The following LINGO2 variants were observed in gnomAD, a reference collection of about 807,000 sequenced individuals.
The protein encoded by LINGO2 is leucine-rich repeat and immunoglobulin-like domain-containing nogo receptor-interacting protein 2.
A neutral mutation model predicts 30.6 loss-of-function variants in LINGO2; 14 were observed. The observed-to-expected ratio is 0.46, with a 90% CI of 0.30 to 0.72. The LOEUF (loss-of-function observed/expected upper bound fraction) is 0.72, where lower values mean the gene tolerates loss of function less well. LINGO2 is among the 30% of genes least tolerant of loss of function. The pLI is 0.07. For synonymous variants in LINGO2, 317 were observed against 288.5 expected, an observed-to-expected ratio of 1.10 and a Z score of -1.00; for missense variants, 729 against 751.7, an observed-to-expected ratio of 0.97 and a Z score of 0.35.
intron 4 of LINGO2, among the ~76,000 whole-genome samples, chr9:28,236,435 A>T (rs1265411262): frequency 6.6e-6 from 1 of 152,212 alleles, no homozygotes; most frequent in Non-Finnish European, 1.5e-5. Flanking sequence ...GGAATAGTTT[A>T]ACACAGTAAT....
At chr9:28,019,446 T>C (rs936223942) in intron 4 of LINGO2, among the ~76,000 whole-genome samples, 1 of 151,988 alleles carries the variant, frequency 6.6e-6, no homozygotes, top group African/African-American at 2.4e-5. Flanking sequence ...ATCTGGTCTT[T>C]TATGTGACTC....
At chr9:28,685,498 A>G in the LINGO2 span, among the ~76,000 whole-genome samples, 2 of 152,308 alleles carry the variant, frequency 1.3e-5, no homozygotes, top group East Asian at 3.9e-4. Context: ...TTACTCATAG[A>G]AAAAGATGTG....
At chr9:28,079,097 T>C (rs558008794) in intron 4 of LINGO2, among the ~76,000 whole-genome samples, 5 of 142,450 alleles carry the variant, frequency 3.5e-5, no homozygotes, top group African/African-American at 1.5e-4. Context: ...TGAAGATATA[T>C]TTGTTAAATT....
In LINGO2 at chr9:28,506,515, T is replaced by TATATATAGATATATAG. The variant is rs1554729666; in HGVS notation, c.-364-30491_-364-30490insCTATATATCTATATAT. On this transcript the variant is annotated intron_variant, in intron 1 of 5. Coordinates refer to ENST00000379992, the Ensembl canonical transcript of LINGO2. ...ACACACACACACAGACATATATATA[T>TATATATAGATATATAG]ATATATAAACTGTTGGGGACTAAGT... Among the ~76,000 whole-genome samples, 359 of 100,246 alleles carry TATATATAGATATATAG rather than the reference T, an allele frequency of 3.6e-3. 6 individuals carry two copies. The highest frequency in any genetic ancestry group is 0.012 in the African/African-American group (313 of 26,840). The allele number at this position is 100,246 out of a possible 152,430, so 65.8% of individuals were successfully genotyped here.
chr9:28,423,505 T>C (rs1404955350), intron 2 of LINGO2, among the ~76,000 whole-genome samples: 1 of 152,130 alleles, frequency 6.6e-6, no homozygotes. Context: ...CATATGCATC[T>C]TTAAAAATTA....
the LINGO2 span, among the ~76,000 whole-genome samples, chr9:28,996,020 T>TA: frequency 4.8e-3 from 728 of 150,470 alleles, 4 homozygotes; most frequent in African/African-American, 0.014. Flanking sequence ...TAAAGTATAA[T>TA]AAAAAAAATG....
chr9:28,019,189 T>A (rs1306581944), intron 4 of LINGO2, among the ~76,000 whole-genome samples: 2 of 152,036 alleles, frequency 1.3e-5, no homozygotes, highest in East Asian at 3.9e-4. Flanking sequence ...TTTACCTGAA[T>A]GATGAAATAA....
At chr9:28,520,856 C>T (rs1250180340) in intron 1 of LINGO2, among the ~76,000 whole-genome samples, 1 of 152,096 alleles carries the variant, frequency 6.6e-6, no homozygotes, top group Admixed American at 6.5e-5. Context: ...TTACATATGC[C>T]TTAGAGCAGG....
intron 4 of LINGO2, among the ~76,000 whole-genome samples, chr9:28,241,175 A>T (rs1821771676): frequency 6.9e-6 from 1 of 144,106 alleles, no homozygotes; most frequent in Non-Finnish European, 1.5e-5. Context: ...AGGCTGAGGC[A>T]GGAGAATTGC....
At chr9:28,487,062 G>A (rs941157600) in intron 1 of LINGO2, among the ~76,000 whole-genome samples, 20 of 152,088 alleles carry the variant, frequency 1.3e-4, no homozygotes, top group Non-Finnish European at 7.4e-5. Context: ...ACCATAGAAA[G>A]AAAAAGTGGA....
intron 1 of LINGO2, among the ~76,000 whole-genome samples, chr9:28,637,543 T>A (rs1827341925): frequency 1.3e-5 from 2 of 152,302 alleles, no homozygotes; most frequent in Admixed American, 1.3e-4. Flanking sequence ...TCACATCACT[T>A]GTAAGTTGGA....
At chr9:28,598,260 A>G (rs924341785) in intron 1 of LINGO2, among the ~76,000 whole-genome samples, 5 of 152,084 alleles carry the variant, frequency 3.3e-5, no homozygotes, top group Non-Finnish European at 5.9e-5. Context: ...ATGCAAGCAA[A>G]AGTTCTTATA....
At chr9:27,973,679 T>C (rs142809679) in intron 5 of LINGO2, among the ~76,000 whole-genome samples, 15 of 152,158 alleles carry the variant, frequency 9.9e-5, no homozygotes, top group African/African-American at 3.6e-4. Context: ...TTTTCAGATA[T>C]AGCTTCTGAG....
At chr9:28,189,299 GGA>G (rs1819672397) in intron 4 of LINGO2, among the ~76,000 whole-genome samples, 10 of 63,290 alleles carry the variant, frequency 1.6e-4, no homozygotes, top group Non-Finnish European at 3.2e-4. Flanking sequence ...GAGGAAGGAA[GGA>G]AGGGAGGAAG....
At chr9:28,613,219 G>T (rs1825992943) in intron 1 of LINGO2, among the ~76,000 whole-genome samples, 1 of 151,970 alleles carries the variant, frequency 6.6e-6, no homozygotes. Flanking sequence ...GTTTGAAAAT[G>T]GACTAATACA....
the LINGO2 span, among the ~76,000 whole-genome samples, chr9:28,841,282 A>G: frequency 4.0e-5 from 6 of 151,780 alleles, 1 homozygote; most frequent in Non-Finnish European, 5.9e-5. Context: ...TGGACATAGA[A>G]TAAGAGCTCA....
chr9:29,018,532 A>T, the LINGO2 span, among the ~76,000 whole-genome samples: 1 of 152,182 alleles, frequency 6.6e-6, no homozygotes, highest in African/African-American at 2.4e-5. Context: ...ATATACATTA[A>T]CTCATTTAAT....
the LINGO2 span, among the ~76,000 whole-genome samples, chr9:29,014,103 G>C: frequency 2.0e-5 from 3 of 151,558 alleles, no homozygotes; most frequent in Non-Finnish European, 2.9e-5. Context: ...TAAATTATCT[G>C]CTACGAGTTA....
At chr9:29,071,635 A>C in the LINGO2 span, among the ~76,000 whole-genome samples, 1 of 151,654 alleles carries the variant, frequency 6.6e-6, no homozygotes, top group African/African-American at 2.4e-5. Context: ...TACTTATATA[A>C]GCAAAGCACT....
Sources: allele counts gnomAD v4.1 joint callset (sites outside exome capture counted in the v4.1 genomes callset), GRCh38; gene constraint gnomAD v4.1.1; transcripts MANE v1.5; gene names NCBI Gene and HGNC (gene_info 2026-07-23, HGNC 2026-07-21).